The following CENPO variants were observed in gnomAD, a reference collection of about 807,000 sequenced individuals.
CENPO encodes the protein centromere protein O.
Under a neutral mutation model 36.1 loss-of-function variants are expected in CENPO, and 30 were observed. The ratio of observed to expected loss-of-function variants is 0.83; its 90% CI spans 0.62 to 1.13. CENPO has a LOEUF of 1.13. Among genes scored for constraint, CENPO ranks in the 50% most tolerant of loss-of-function variants. CENPO has a pLI of 0.00. For missense variants in CENPO, 349 were observed against 357.8 expected, an observed-to-expected ratio of 0.98 and a Z score of 0.20; for synonymous variants, 171 against 142.3, an observed-to-expected ratio of 1.20 and a Z score of -1.44.
In CENPO at chr2:24,793,843, T is replaced by C; in HGVS notation, c.-68-9T>C. 1 of 1,607,312 alleles carries C rather than the reference T, an allele frequency of 6.2e-7. No homozygotes were observed. The highest frequency in any genetic ancestry group is 1.1e-5 in the South Asian group (1 of 90,970). On this transcript the variant is annotated splice_polypyrimidine_tract_variant and intron_variant, in intron 1 of 7. Coordinates refer to ENST00000380834, the MANE Select transcript of CENPO (RefSeq NM_001322101.2). ...TGTGATGTGACTGTTGCCATTTTTC[T>C]TTTATTAGCAAGGACATTGGAGTCC...
chr2:24,793,482 A>G lies in CENPO; in HGVS notation c.-88A>G. The G allele has an allele frequency of 6.2e-7, 1 of 1,602,804 alleles. No individual in the cohort carries two copies. The highest frequency in any genetic ancestry group is 8.5e-7 in the Non-Finnish European group (1 of 1,174,342). On this transcript the variant is annotated 5_prime_UTR_variant, in exon 1 of 8. Coordinates refer to ENST00000380834, the MANE Select transcript of CENPO (RefSeq NM_001322101.2). ...TGGTTTTGAAGACGTGGATGGCGGG[A>G]ATTCTCGCTTCTGGCCTGGGTGAGC...
intron 3 of CENPO, among the ~76,000 whole-genome samples, chr2:24,809,087 C>A (rs999147663): frequency 3.9e-5 from 6 of 152,118 alleles, no homozygotes; most frequent in African/African-American, 1.4e-4. Flanking sequence ...TTGCATTTTG[C>A]AGTTTGTTCA....
chr2:24,797,366 A>C (rs1665953746), intron 2 of CENPO, among the ~76,000 whole-genome samples: 2 of 152,196 alleles, frequency 1.3e-5, no homozygotes. Flanking sequence ...AAGTAGATAC[A>C]CTGAGAAGGC....
intron 3 of CENPO, among the ~76,000 whole-genome samples, chr2:24,808,141 A>G (rs1666501766): frequency 6.6e-6 from 1 of 152,166 alleles, no homozygotes; most frequent in Non-Finnish European, 1.5e-5. Flanking sequence ...CTTTATTCTT[A>G]TTGCCCTTGT....
chr2:24,813,979 G>T (rs981776304), intron 3 of CENPO, among the ~76,000 whole-genome samples: 3 of 152,196 alleles, frequency 2.0e-5, no homozygotes, highest in African/African-American at 7.2e-5. Flanking sequence ...GCCATAGCTA[G>T]CAGCGTAAGC....
intron 3 of CENPO, among the ~76,000 whole-genome samples, chr2:24,800,141 C>T (rs1436820763): frequency 6.6e-6 from 1 of 152,082 alleles, no homozygotes; most frequent in Non-Finnish European, 1.5e-5. Flanking sequence ...AAAAATTAGC[C>T]AGGCATGGAG....
At chr2:24,803,589 C>T (rs1275296470) in intron 3 of CENPO, among the ~76,000 whole-genome samples, 1 of 152,082 alleles carries the variant, frequency 6.6e-6, no homozygotes, top group Non-Finnish European at 1.5e-5. Flanking sequence ...GTTATGTACC[C>T]AGTAGTCATT....
rs551222511 is a variant in CENPO, at chr2:24,820,208, T to C, written c.*890T>C. On this transcript the variant is annotated 3_prime_UTR_variant, in exon 8 of 8. Transcript: ENST00000380834. ...TTGGGTGGTTGGAGCCGAGCACTGA[T>C]CCATGGGTCCCAAGCAGTACGGGAC... The C allele has an allele frequency of 4.8e-6, 6 of 1,259,152 alleles. No individual in the cohort carries two copies. The African/African-American group carries it at 9.0e-5, about 19-fold the overall frequency. 78.0% of individuals were successfully genotyped at this position (1,259,152 alleles called of 1,614,324 possible). A position where few individuals can be genotyped will look rare whatever the true frequency, so the allele number is the denominator to read the frequency against.
At position 24,821,645 on chromosome 2, in the gene CENPO, G is replaced by T; in HGVS notation, c.*2327G>T. On this transcript the variant is annotated 3_prime_UTR_variant, in exon 8 of 8. Coordinates refer to ENST00000380834, the MANE Select transcript of CENPO (RefSeq NM_001322101.2). ...CTCTCTCTCGGACTTGTCTTCCTGT[G>T]CCAGGGGACCGTGGAGAAAGTGTCA... The T allele has an allele frequency of 6.2e-7, 1 of 1,613,788 alleles. No individual in the cohort carries two copies. The highest frequency in any genetic ancestry group is 8.5e-7 in the Non-Finnish European group (1 of 1,179,894).
intron 1 of CENPO, 127 bp from the exon 2 acceptor site, chr2:24,793,725 G>A: frequency 1.0e-6 from 1 of 959,024 alleles, no homozygotes; most frequent in Non-Finnish European, 1.6e-6. Flanking sequence ...GCTCAGGAAA[G>A]GGGATCCTAG....
At chr2:24,804,193 C>T (rs560469011) in intron 3 of CENPO, among the ~76,000 whole-genome samples, 7 of 152,218 alleles carry the variant, frequency 4.6e-5, no homozygotes, top group Admixed American at 3.9e-4. Context: ...GTAGATCTTC[C>T]TCCATCCCTT....
intron 3 of CENPO, among the ~76,000 whole-genome samples, chr2:24,800,322 C>T (rs1666105532): frequency 6.6e-6 from 1 of 152,252 alleles, no homozygotes; most frequent in South Asian, 2.1e-4. Flanking sequence ...TATCACCTAA[C>T]ATTTTTTAAT....
In CENPO at chr2:24,820,148, AC is replaced by A; in HGVS notation, c.*831del. The A allele has an allele frequency of 1.5e-6, 2 of 1,340,372 alleles. No homozygotes were observed. The highest frequency in any genetic ancestry group is 1.4e-5 in the South Asian group (1 of 73,044). 83.0% of individuals were successfully genotyped at this position (1,340,372 alleles called of 1,614,324 possible). A position where few individuals can be genotyped will look rare whatever the true frequency, so the allele number is the denominator to read the frequency against. ...GGAGGGGGAGCAAGAACGTGGCGTT[AC>A]GGGGGGAGCCTAGACTGAGGGCGGG... On this transcript the variant is annotated 3_prime_UTR_variant, in exon 8 of 8. Coordinates refer to ENST00000380834, the MANE Select transcript of CENPO (RefSeq NM_001322101.2).
rs1667845388 is a variant in CENPO, at chr2:24,822,201, T to G, written c.*2883T>G. ...CAGCCAGAGTTCTGAAGGCCATGCT[T>G]TCAGTTTCCCTTGTTGACAATTGCT... On this transcript the variant is annotated 3_prime_UTR_variant, in exon 8 of 8. Coordinates refer to ENST00000380834, the MANE Select transcript of CENPO (RefSeq NM_001322101.2). 4.2e-6 allele frequency: 1 copy of G among 240,462 alleles called. No homozygotes were observed. Among genetic ancestry groups the G allele is most frequent in the Non-Finnish European group, 8.0e-6 (1 of 124,236 alleles). The allele number at this position is 240,462 out of a possible 1,614,324, so 14.9% of individuals were successfully genotyped here.
rs1386839443 is a variant in CENPO, at chr2:24,800,276, C to T, written c.216+432C>T. Among the ~76,000 whole-genome samples the T allele has an allele frequency of 3.3e-5, 5 of 152,280 alleles. No individual in the cohort carries two copies. The East Asian group carries it at 9.6e-4, about 29-fold the overall frequency. Reference sequence around the variant, plus strand: ...CCTGGGAAACAGAGTGAGACTCCGTCTCAAAAAAACAAAAATCCGGTAGAG... The same window carrying T: ...CCTGGGAAACAGAGTGAGACTCCGTTTCAAAAAAACAAAAATCCGGTAGAG... On this transcript the variant is annotated intron_variant, in intron 3 of 7. Coordinates refer to ENST00000380834, the MANE Select transcript of CENPO (RefSeq NM_001322101.2).
At chr2:24,797,887 T>C (rs1665982262) in intron 2 of CENPO, among the ~76,000 whole-genome samples, 1 of 152,052 alleles carries the variant, frequency 6.6e-6, no homozygotes, top group Non-Finnish European at 1.5e-5. Flanking sequence ...GGAACAGAAG[T>C]GAGTTTCAAG....
At position 24,820,394 on chromosome 2, in the gene CENPO, C is replaced by A; in HGVS notation, c.*1076C>A. The A allele has an allele frequency of 7.6e-7, 1 of 1,311,404 alleles. No homozygotes were observed. Among genetic ancestry groups the A allele is most frequent in the Non-Finnish European group, 9.7e-7 (1 of 1,033,694 alleles). The allele number at this position is 1,311,404 out of a possible 1,614,324, so 81.2% of individuals were successfully genotyped here. ...TGGCAGCACTGTTACCTGGAAACTG[C>A]CACTGCCTGCTCTTCTGTCCCTTTG... On this transcript the variant is annotated 3_prime_UTR_variant, in exon 8 of 8. Transcript: ENST00000380834.
chr2:24,807,446 C>T (rs934103614), intron 3 of CENPO, among the ~76,000 whole-genome samples: 18 of 152,196 alleles, frequency 1.2e-4, no homozygotes, highest in Non-Finnish European at 2.5e-4. Context: ...GTGAGATTCA[C>T]CTACACTCTG....
At chr2:24,806,967 G>A (rs1157431207) in intron 3 of CENPO, among the ~76,000 whole-genome samples, 2 of 152,170 alleles carry the variant, frequency 1.3e-5, no homozygotes, top group African/African-American at 4.8e-5. Flanking sequence ...TCAGGATTAT[G>A]ACAGTAGTCT....
Sources: gnomAD v4.1 joint callset for allele counts (sites outside exome capture counted in the v4.1 genomes callset) on GRCh38, gnomAD v4.1.1 for gene constraint, MANE v1.5 for transcripts, NCBI Gene and HGNC (gene_info 2026-07-23, HGNC 2026-07-21) for gene names.